GRIK2: variants seen among roughly 807,000 people sequenced by gnomAD.
GRIK2 encodes glutamate receptor ionotropic, kainate 2.
A neutral mutation model predicts 100.3 loss-of-function variants in GRIK2; 32 were observed. That is an observed-to-expected ratio of 0.32 (90% CI 0.24 to 0.43). The LOEUF (loss-of-function observed/expected upper bound fraction) is 0.43. Among genes scored for constraint, GRIK2 ranks in the 20% least tolerant of loss-of-function variants. The pLI is 1.00. For synonymous variants in GRIK2, 417 were observed against 389.4 expected, an observed-to-expected ratio of 1.07 and a Z score of -0.83; for missense variants, 843 against 1,114.9, an observed-to-expected ratio of 0.76 and a Z score of 3.47.
At chr6:101,415,603 C>G (rs1272104220) in intron 2 of GRIK2, among the ~76,000 whole-genome samples, 1 of 152,016 alleles carries the variant, frequency 6.6e-6, no homozygotes, top group Non-Finnish European at 1.5e-5. Flanking sequence ...ATCTCCTGAC[C>G]TCGTGATCCA....
chr6:101,879,607 C>T (rs1038014522), intron 11 of GRIK2, among the ~76,000 whole-genome samples: 7 of 151,716 alleles, frequency 4.6e-5, no homozygotes, highest in Non-Finnish European at 7.4e-5. Flanking sequence ...TAAAGGACAG[C>T]GACAATTATA....
chr6:101,412,481 C>T (rs1341308049), intron 2 of GRIK2, among the ~76,000 whole-genome samples: 1 of 151,742 alleles, frequency 6.6e-6, no homozygotes, highest in East Asian at 1.9e-4. Context: ...ATAGAGATTC[C>T]AAAGTATTAA....
chr6:101,736,107 A>T lies in GRIK2; in HGVS notation c.951+49754A>T, dbSNP rs577998302. Among the ~76,000 whole-genome samples the T allele has an allele frequency of 1.7e-3, 258 of 152,286 alleles. 1 individual carries two copies. The highest frequency in any genetic ancestry group is 6.0e-3 in the African/African-American group (249 of 41,554). ...CATGTCTCACATCCAGGTCATGTTG[A>T]TGTAAGATGTGGGTTCCCATGGTCT... On this transcript the variant is annotated intron_variant, in intron 7 of 16. Transcript: ENST00000369134.
At chr6:101,642,052 G>A (rs369337372) in intron 4 of GRIK2, among the ~76,000 whole-genome samples, 7 of 151,852 alleles carry the variant, frequency 4.6e-5, no homozygotes, top group Admixed American at 4.6e-4. Context: ...TTGTAAAACT[G>A]TTCTATAATA....
intron 3 of GRIK2, among the ~76,000 whole-genome samples, chr6:101,625,740 T>C (rs965483316): frequency 1.3e-5 from 2 of 152,088 alleles, no homozygotes; most frequent in Non-Finnish European, 2.9e-5. Context: ...AAAAATAGAA[T>C]AATAGAAAAC....
At chr6:101,435,753 C>T (rs1769679547) in intron 2 of GRIK2, among the ~76,000 whole-genome samples, 1 of 152,100 alleles carries the variant, frequency 6.6e-6, no homozygotes, top group South Asian at 2.1e-4. Context: ...ATGCCATTGA[C>T]ATTCTCCATC....
At position 101,583,973 on chromosome 6, in the gene GRIK2, T is replaced by C. The variant is rs1408847831; in HGVS notation, c.116-37976T>C. ...TTTATATGATATATATGTATATAAC[T>C]AGATTTCTTTATATCATATACCATC... is the stretch of plus-strand genomic sequence containing the variant. On this transcript the variant is annotated intron_variant, in intron 2 of 16. Coordinates refer to ENST00000369134, the MANE Select transcript of GRIK2 (RefSeq NM_021956.5). Among the ~76,000 whole-genome samples the C allele has an allele frequency of 3.9e-5, 6 of 152,154 alleles. No homozygotes were observed. In the East Asian group the frequency reaches 1.2e-3, roughly 29 times the overall value.
At chr6:101,485,929 T>TTA (rs1772797989) in intron 2 of GRIK2, among the ~76,000 whole-genome samples, 1 of 150,750 alleles carries the variant, frequency 6.6e-6, no homozygotes, top group South Asian at 2.1e-4. Context: ...TTTTTTTTTT[T>TTA]AGTAAAACAG....
intron 7 of GRIK2, among the ~76,000 whole-genome samples, chr6:101,739,453 G>A (rs1775886583): frequency 6.6e-6 from 1 of 152,172 alleles, no homozygotes; most frequent in Non-Finnish European, 1.5e-5. Flanking sequence ...AGTGGACGGT[G>A]AGTAGCACAC....
At chr6:101,897,466 C>A (rs959158807) in intron 12 of GRIK2, among the ~76,000 whole-genome samples, 1 of 151,760 alleles carries the variant, frequency 6.6e-6, no homozygotes, top group Non-Finnish European at 1.5e-5. Context: ...AACAAAATTT[C>A]ACTTCTGTTT....
chr6:101,822,233 CACACACACACAA>C (rs982013101), intron 10 of GRIK2, among the ~76,000 whole-genome samples: 4 of 149,862 alleles, frequency 2.7e-5, no homozygotes, highest in Non-Finnish European at 5.9e-5. Context: ...CACACACACA[CACACACACACAA>C]ACACATACAA....
intron 9 of GRIK2, among the ~76,000 whole-genome samples, chr6:101,816,312 T>C (rs1472450966): frequency 6.6e-6 from 1 of 152,178 alleles, no homozygotes; most frequent in Non-Finnish European, 1.5e-5. Context: ...TATAGAAAAG[T>C]GACAGTCATT....
Position 102,041,848 on chromosome 6 carries a change from A to ATGTT in GRIK2, c.2311+6283_2311+6286dup, listed in dbSNP as rs148623528. On this transcript the variant is annotated intron_variant, in intron 15 of 16. Transcript: ENST00000369134. Reference sequence around the variant, plus strand: ...AATGTTCTCTAATAATTGAAAGAATATGTTAGTGGTCTCTATTTATACATT... The same window carrying ATGTT: ...AATGTTCTCTAATAATTGAAAGAATATGTTTGTTAGTGGTCTCTATTTATACATT... 1.3e-3 allele frequency among the ~76,000 whole-genome samples: 202 copies of ATGTT among 151,786 alleles called. 1 individual carries two copies. The highest frequency in any genetic ancestry group is 4.6e-3 in the African/African-American group (190 of 41,498).
intron 9 of GRIK2, among the ~76,000 whole-genome samples, chr6:101,807,412 TG>T (rs1484494556): frequency 2.0e-5 from 3 of 152,024 alleles, no homozygotes; most frequent in Admixed American, 2.0e-4. Flanking sequence ...GTTCCTTTTT[TG>T]TCCTTACAAG....
chr6:101,488,665 C>T (rs1407695564), intron 2 of GRIK2, among the ~76,000 whole-genome samples: 2 of 146,648 alleles, frequency 1.4e-5, no homozygotes, highest in South Asian at 2.1e-4. Context: ...TGTGTTTCCT[C>T]ATCTACAACA....
intron 2 of GRIK2, among the ~76,000 whole-genome samples, chr6:101,518,431 G>C (rs1271176240): frequency 6.6e-6 from 1 of 152,144 alleles, no homozygotes; most frequent in African/African-American, 2.4e-5. Context: ...CACCTTTTCT[G>C]CAGTGTATAC....
At chr6:101,877,687 A>G (rs1313578374) in intron 11 of GRIK2, among the ~76,000 whole-genome samples, 3 of 151,976 alleles carry the variant, frequency 2.0e-5, no homozygotes, top group Non-Finnish European at 4.4e-5. Flanking sequence ...TTTGTCAAGG[A>G]CAACAACTCA....
chr6:101,889,004 C>T (rs1211581456), intron 11 of GRIK2, among the ~76,000 whole-genome samples: 1 of 152,012 alleles, frequency 6.6e-6, no homozygotes, highest in Non-Finnish European at 1.5e-5. Flanking sequence ...TGGAAAAACT[C>T]ATTTCCTAAT....
chr6:101,986,437 A>G (rs924470327), intron 14 of GRIK2, among the ~76,000 whole-genome samples: 24 of 151,840 alleles, frequency 1.6e-4, no homozygotes, highest in East Asian at 5.8e-4. Flanking sequence ...CTAGCCAAAC[A>G]TTACTCAGTT....
Sources: allele counts gnomAD v4.1 joint callset (sites outside exome capture counted in the v4.1 genomes callset), GRCh38; gene constraint gnomAD v4.1.1; transcripts MANE v1.5; gene names NCBI Gene and HGNC (gene_info 2026-07-23, HGNC 2026-07-21).